The following SIM1 variants were observed in gnomAD, a reference collection of about 807,000 sequenced individuals.
SIM1 encodes the protein single-minded homolog 1.
A neutral mutation model predicts 78.2 loss-of-function variants in SIM1; 18 were observed. The observed-to-expected ratio is 0.23, with a 90% confidence interval of 0.16 to 0.34. The LOEUF is 0.34. SIM1 is among the 10% of genes least tolerant of loss of function. SIM1 has a pLI of 1.00. For synonymous variants in SIM1, 417 were observed against 385.2 expected (o/e 1.08, Z -0.97); for missense variants, 939 against 975.1 (o/e 0.96, Z 0.49).
At chr6:100,420,166 A>AT (rs1182522760) in intron 10 of SIM1, among the ~76,000 whole-genome samples, 5 of 151,674 alleles carry the variant, frequency 3.3e-5, no homozygotes, top group Middle Eastern at 3.4e-3. Context: ...CAGAAAAATA[A>AT]TTTTTTTTTC....
chr6:100,442,087 C>T (rs745544172), intron 9 of SIM1, among the ~76,000 whole-genome samples: 7 of 152,188 alleles, frequency 4.6e-5, no homozygotes, highest in African/African-American at 9.7e-5. Flanking sequence ...TCCGACCCAA[C>T]CACTGTGCAG....
At chr6:100,393,929 A>T (rs1770709169) in intron 10 of SIM1, 40 bp from the exon 11 acceptor site, 2 of 1,510,788 alleles carry the variant, frequency 1.3e-6, no homozygotes, top group African/African-American at 2.8e-5. Flanking sequence ...TTCAAAAATC[A>T]ATCGATCAGT....
At chr6:100,457,803 G>T (rs1772711511) in intron 2 of SIM1, among the ~76,000 whole-genome samples, 1 of 152,156 alleles carries the variant, frequency 6.6e-6, no homozygotes, top group Non-Finnish European at 1.5e-5. Context: ...TTGACCTGAG[G>T]GCATCGGCGA....
At chr6:100,448,754 C>G (rs1772431690) in intron 6 of SIM1, 76 bp from the exon 7 acceptor site, 1 of 1,331,652 alleles carries the variant, frequency 7.5e-7, no homozygotes, top group Non-Finnish European at 1.0e-6. Context: ...GGGGTTGAAA[C>G]ATGTTGAAAC....
intron 10 of SIM1, chr6:100,395,977 A>T (rs1302090405): frequency 2.5e-6 from 1 of 407,442 alleles, no homozygotes; most frequent in Non-Finnish European, 3.3e-6. Flanking sequence ...TCCATCAAGA[A>T]AAAAAATTAG....
intron 11 of SIM1, among the ~76,000 whole-genome samples, chr6:100,392,673 T>G (rs1353039258): frequency 1.3e-5 from 2 of 152,252 alleles, no homozygotes; most frequent in East Asian, 3.8e-4. Context: ...AGCACATGTC[T>G]CATTCTAAAG....
chr6:100,458,003 T>C (rs1772719132), intron 2 of SIM1, among the ~76,000 whole-genome samples: 1 of 91,632 alleles, frequency 1.1e-5, no homozygotes, highest in Non-Finnish European at 2.4e-5. Context: ...TCTGTCTCTC[T>C]CTTTCTCTCT....
In SIM1 at chr6:100,387,664, A is replaced by G. The variant is rs1259111286; in HGVS notation, c.*2697T>C. On this transcript the variant is annotated 3_prime_UTR_variant, in exon 12 of 12. Coordinates refer to ENST00000369208, the MANE Select transcript of SIM1 (RefSeq NM_005068.3). Reference sequence around the variant, plus strand: ...TACTTAAAACTGGGTCAATCTACCAAAATTTTGAATCAATATATAATTTAG... The same window carrying G: ...TACTTAAAACTGGGTCAATCTACCAGAATTTTGAATCAATATATAATTTAG... 1 of 152,086 alleles carries G rather than the reference A, an allele frequency of 6.6e-6. No individual in the cohort carries two copies. Among genetic ancestry groups the G allele is most frequent in the Admixed American group, 6.6e-5 (1 of 15,262 alleles). The allele number at this position is 152,086 out of a possible 1,614,324, so 9.4% of individuals were successfully genotyped here. A position where few individuals can be genotyped will look rare whatever the true frequency, so the allele number is the denominator to read the frequency against.
chr6:100,393,838 C>T lies in SIM1; in HGVS notation c.1219G>A (p.Gly407Ser). Residue 407 changes from glycine to serine, a missense_variant, in exon 11 of 12, where the codon GGC becomes AGC. Transcript: ENST00000369208. The part of the protein sequence containing the change: ...RSESDHDSQW[G>S]GSPLTDTASP... The stretch of plus-strand genomic sequence containing the variant: ...GCCGTGTCGGTCAAGGGACTTCCGC[C>T]CCACTGGCTGTCATGATCAGATTCC... The T allele has an allele frequency of 6.2e-7, 1 of 1,605,204 alleles. No individual in the cohort carries two copies. Among genetic ancestry groups the T allele is most frequent in the Non-Finnish European group, 8.5e-7 (1 of 1,174,272 alleles).
In SIM1 at chr6:100,386,767, T is replaced by A. The variant is rs1770521827; in HGVS notation, c.*3594A>T. 6.6e-6 allele frequency: 1 copy of A among 152,078 alleles called. No homozygotes were observed. Among genetic ancestry groups the A allele is most frequent in the Non-Finnish European group, 1.5e-5 (1 of 67,950 alleles). The allele number at this position is 152,078 out of a possible 1,614,324, so 9.4% of individuals were successfully genotyped here. A position where few individuals can be genotyped will look rare whatever the true frequency, so the allele number is the denominator to read the frequency against. On this transcript the variant is annotated 3_prime_UTR_variant, in exon 12 of 12. Coordinates refer to ENST00000369208, the MANE Select transcript of SIM1 (RefSeq NM_005068.3). ...AGAAAGAGCAAGTGGTTTTTCTGTG[T>A]AAATACTGAAGGCAATCATTTATTG...
chr6:100,396,182 C>G, intron 10 of SIM1: 1 of 456,526 alleles, frequency 2.2e-6, no homozygotes, highest in Non-Finnish European at 2.9e-6. Context: ...AGTGGGGATC[C>G]AAGTGCTATA....
chr6:100,447,143 C>A (rs1157135505), intron 9 of SIM1, 125 bp downstream of exon 9: 1 of 1,082,234 alleles, frequency 9.2e-7, no homozygotes, highest in African/African-American at 1.6e-5. Context: ...GCAGCCAGCA[C>A]TCGAGGGTCA....
rs1179931180 is a variant in SIM1 at position 100,385,236 on chromosome 6, TAC to T, written c.*5123_*5124del. The T allele has an allele frequency of 2.0e-5, 3 of 152,114 alleles. No homozygotes were observed. Among genetic ancestry groups the T allele is most frequent in the Non-Finnish European group, 2.9e-5 (2 of 67,964 alleles). 9.4% of individuals were successfully genotyped at this position (152,114 alleles called of 1,614,324 possible). ...TATACTACAATGTCACTAAAAACTATACATTGCAAGACGGTATTTGAAATATT... is the reference window on the plus strand; with the variant it reads ...TATACTACAATGTCACTAAAAACTATATTGCAAGACGGTATTTGAAATATT... On this transcript the variant is annotated 3_prime_UTR_variant, in exon 12 of 12. Transcript: ENST00000369208.
chr6:100,403,513 G>A (rs2114478163), intron 10 of SIM1, among the ~76,000 whole-genome samples: 1 of 152,306 alleles, frequency 6.6e-6, no homozygotes, highest in East Asian at 1.9e-4. Flanking sequence ...GGTGATAGGA[G>A]AAATACAGCC....
At chr6:100,462,898 CA>C (rs146777329) in intron 2 of SIM1, 424 of 161,108 alleles carry the variant, frequency 2.6e-3, no homozygotes, top group Middle Eastern at 8.7e-3. Flanking sequence ...CCACACCTGG[CA>C]AAAAAAAAAT....
chr6:100,412,636 GA>G (rs200619301), intron 10 of SIM1, among the ~76,000 whole-genome samples: 2,985 of 75,716 alleles, frequency 0.039, 317 homozygotes, highest in East Asian at 0.16. Flanking sequence ...AAGAAAGAAA[GA>G]AAAGAAAGAA....
intron 10 of SIM1, chr6:100,394,110 G>A: frequency 2.2e-6 from 1 of 458,780 alleles, no homozygotes; most frequent in Non-Finnish European, 3.8e-6. Flanking sequence ...CCTTTTGGTT[G>A]ATGAAAGCAG....
chr6:100,393,607 C>A lies in SIM1; in HGVS notation c.1450G>T (p.Ala484Ser), dbSNP rs146356820. Residue 484 changes from alanine to serine, a missense_variant, in exon 11 of 12, where the codon GCC becomes TCC. Around this residue, in one of 5 missense-constraint regions of SIM1, gnomAD observed 556 missense variants for 521.9 expected, o/e 1.07. Transcript: ENST00000369208. ...AGRYFLGTPQ[A>S]GREPWWGSRA... ...GAGCCCCACCAGGGCTCCCTCCCGG[C>A]CTGCGGCGTTCCCAGGAAGTACCTG... The A allele has an allele frequency of 7.4e-6, 12 of 1,614,016 alleles. No homozygotes were observed. In the African/African-American group the frequency reaches 1.6e-4, roughly 22 times the overall value.
At chr6:100,446,711 G>A (rs1857859) in intron 9 of SIM1, among the ~76,000 whole-genome samples, 39,553 of 152,144 alleles carry the variant, frequency 0.26, 5,457 homozygotes, top group East Asian at 0.4. Flanking sequence ...CCTGGGCGCC[G>A]GCCAAGACTT....
Sources: gnomAD v4.1 joint callset for allele counts (sites outside exome capture counted in the v4.1 genomes callset) on GRCh38, gnomAD v4.1.1 for gene constraint, gnomAD v4.1.1 regional missense constraint, MANE v1.5 for transcripts, NCBI Gene and HGNC (gene_info 2026-07-23, HGNC 2026-07-21) for gene names.